Variants in SCYL2 observed in about 807,000 individuals in gnomAD.
SCYL2 encodes SCY1-like protein 2.
Under a neutral mutation model 100.4 loss-of-function variants are expected in SCYL2, and 36 were observed. That is an observed-to-expected ratio of 0.36 (90% confidence interval 0.27 to 0.47). The LOEUF (loss-of-function observed/expected upper bound fraction) is 0.47. SCYL2 is among the 20% of genes least tolerant of loss of function. The probability of loss-of-function intolerance (pLI) is 1.00; values close to 1 mark genes in which losing one functional copy is unlikely to be tolerated. For synonymous variants in SCYL2, 330 were observed against 359.2 expected (o/e 0.92, Z 0.92); for missense variants, 902 against 1,083.9 (o/e 0.83, Z 2.36).
At chr12:100,301,230 C>T (rs911902192) in intron 4 of SCYL2, among the ~76,000 whole-genome samples, 2 of 152,082 alleles carry the variant, frequency 1.3e-5, no homozygotes, top group African/African-American at 2.4e-5. Flanking sequence ...AGTTTTCATT[C>T]GTGTTTCTCT....
intron 4 of SCYL2, among the ~76,000 whole-genome samples, chr12:100,300,886 T>C (rs1420242615): frequency 6.6e-6 from 1 of 152,238 alleles, no homozygotes; most frequent in Non-Finnish European, 1.5e-5. Flanking sequence ...TTTCTGTATC[T>C]GTTCATCTGT....
In SCYL2 at chr12:100,341,111, G is replaced by A. The variant is rs1331832737; in HGVS notation, c.*1939G>A. 3 of 151,968 alleles carry A rather than the reference G, an allele frequency of 2.0e-5. No individual in the cohort carries two copies. In the East Asian group the frequency reaches 5.8e-4, roughly 29 times the overall value. The allele number at this position is 151,968 out of a possible 1,614,324, so 9.4% of individuals were successfully genotyped here. On this transcript the variant is annotated 3_prime_UTR_variant, in exon 18 of 18. Coordinates refer to ENST00000360820, the MANE Select transcript of SCYL2 (RefSeq NM_017988.6). ...AAGTCATTTGAAAAAAATACAGTAT[G>A]TAAAATTTGTTCATTCGTTGAGGTA...
At chr12:100,276,742 TTAAA>T (rs2096292926) in intron 1 of SCYL2, among the ~76,000 whole-genome samples, 4 of 152,126 alleles carry the variant, frequency 2.6e-5, no homozygotes, top group South Asian at 4.1e-4. Flanking sequence ...CATTTCTCTA[TTAAA>T]TAAAGTATTA....
At chr12:100,269,465 A>G (rs1237912386) in intron 1 of SCYL2, among the ~76,000 whole-genome samples, 1 of 152,148 alleles carries the variant, frequency 6.6e-6, no homozygotes, top group Non-Finnish European at 1.5e-5. Flanking sequence ...TAATAAATTA[A>G]TTAGATGTTC....
At chr12:100,333,024 T>G (rs2135938972) in intron 13 of SCYL2, among the ~76,000 whole-genome samples, 1 of 152,144 alleles carries the variant, frequency 6.6e-6, no homozygotes, top group East Asian at 1.9e-4. Context: ...CCGATGTTGT[T>G]TCTTTATCTG....
At position 100,298,354 on chromosome 12, in the gene SCYL2, A is replaced by G. The variant is rs1566354102; in HGVS notation, c.480+179A>G. Among the ~76,000 whole-genome samples the G allele has an allele frequency of 2.0e-5, 3 of 152,178 alleles. No individual in the cohort carries two copies. The South Asian group carries it at 6.2e-4, about 32-fold the overall frequency. ...TGCAGTTTGTTGTTCGGGTTAAATA[A>G]TATTTTAAATATATCAAACTGATAA... On this transcript the variant is annotated intron_variant, in intron 4 of 17. Coordinates refer to ENST00000360820, the MANE Select transcript of SCYL2 (RefSeq NM_017988.6).
chr12:100,291,910 A>G, intron 3 of SCYL2: 1 of 391,958 alleles, frequency 2.6e-6, no homozygotes, highest in Admixed American at 4.9e-5. Context: ...GCTCATGACT[A>G]CAATAGTCAA....
At chr12:100,271,129 G>A (rs2096287152) in intron 1 of SCYL2, among the ~76,000 whole-genome samples, 1 of 151,902 alleles carries the variant, frequency 6.6e-6, no homozygotes, top group East Asian at 1.9e-4. Flanking sequence ...GCATTATCCA[G>A]TTTTTGAAAA....
At chr12:100,275,987 A>C (rs1033580164) in intron 1 of SCYL2, among the ~76,000 whole-genome samples, 1 of 152,160 alleles carries the variant, frequency 6.6e-6, no homozygotes, top group South Asian at 2.1e-4. Context: ...CATTTTTAAA[A>C]GTTGAATTAA....
chr12:100,269,164 A>G (rs1195290740), intron 1 of SCYL2, among the ~76,000 whole-genome samples: 1 of 152,168 alleles, frequency 6.6e-6, no homozygotes, highest in African/African-American at 2.4e-5. Context: ...ACACATTAAC[A>G]TGCCCTACAA....
At chr12:100,277,248 T>C (rs1423965779) in intron 1 of SCYL2, among the ~76,000 whole-genome samples, 1 of 152,234 alleles carries the variant, frequency 6.6e-6, no homozygotes, top group Non-Finnish European at 1.5e-5. Flanking sequence ...ATTTGTCATT[T>C]GTAGAGTGTG....
intron 8 of SCYL2, 90 bp downstream of exon 8, chr12:100,314,704 A>ATT: frequency 7.8e-7 from 1 of 1,279,202 alleles, no homozygotes; most frequent in African/African-American, 1.6e-5. Flanking sequence ...CAAGAAAATA[A>ATT]TATAACTTTG....
intron 13 of SCYL2, among the ~76,000 whole-genome samples, chr12:100,333,229 G>A (rs1263466417): frequency 6.6e-6 from 1 of 152,134 alleles, no homozygotes; most frequent in Non-Finnish European, 1.5e-5. Context: ...AGATGAAGAA[G>A]CTGCTGCTGA....
rs187453294 is a variant in SCYL2, at chr12:100,327,126, T to C, written c.1642+372T>C. ...GAGGCAAAGTATTTTCTCTGCGTTA[T>C]GTTATTTTATTCTTCCCCAAATTCA... On this transcript the variant is annotated intron_variant, in intron 12 of 17. Coordinates refer to ENST00000360820, the MANE Select transcript of SCYL2 (RefSeq NM_017988.6). 6 of 340,622 alleles carry C rather than the reference T, an allele frequency of 1.8e-5. No individual in the cohort carries two copies. In the East Asian group the frequency reaches 2.6e-4, roughly 15 times the overall value. The allele number at this position is 340,622 out of a possible 1,614,324, so 21.1% of individuals were successfully genotyped here.
chr12:100,320,009 G>T (rs932916773), intron 10 of SCYL2, among the ~76,000 whole-genome samples: 7 of 152,144 alleles, frequency 4.6e-5, no homozygotes, highest in Non-Finnish European at 8.8e-5. Flanking sequence ...AAGATGGTTT[G>T]CAAAAGGTAG....
At chr12:100,317,188 T>G (rs1463456322) in intron 9 of SCYL2, among the ~76,000 whole-genome samples, 1 of 152,192 alleles carries the variant, frequency 6.6e-6, no homozygotes, top group Non-Finnish European at 1.5e-5. Flanking sequence ...AGGGGCAGTA[T>G]GTTCCTTATA....
At chr12:100,335,780 T>G in intron 15 of SCYL2, 31 bp from the exon 16 acceptor site, 1 of 1,599,092 alleles carries the variant, frequency 6.3e-7, no homozygotes, top group Non-Finnish European at 8.6e-7. Flanking sequence ...TTATTGAACT[T>G]ATTTAAATTA....
rs1038373829 is a variant in SCYL2 at position 100,267,266 on chromosome 12, C to T, written c.-555C>T. Reference sequence around the variant, plus strand: ...GCTCCGACGTTTGCGGCCGCGGGGGCGGCGGAGGATATGGAGTAAAGCCAG... The same window carrying T: ...GCTCCGACGTTTGCGGCCGCGGGGGTGGCGGAGGATATGGAGTAAAGCCAG... On this transcript the variant is annotated 5_prime_UTR_variant, in exon 1 of 18. Coordinates refer to ENST00000360820, the MANE Select transcript of SCYL2 (RefSeq NM_017988.6). 4.2e-5 allele frequency: 25 copies of T among 601,578 alleles called. No homozygotes were observed. The highest frequency in any genetic ancestry group is 3.2e-4 in the African/African-American group (17 of 52,832). The allele number at this position is 601,578 out of a possible 1,614,324, so 37.3% of individuals were successfully genotyped here. A position where few individuals can be genotyped will look rare whatever the true frequency, so the allele number is the denominator to read the frequency against.
chr12:100,299,272 T>C (rs7309753), intron 4 of SCYL2, among the ~76,000 whole-genome samples: 34,178 of 152,052 alleles, frequency 0.22, 4,331 homozygotes, highest in African/African-American at 0.33. Flanking sequence ...ATATCTTCAG[T>C]GCCATAGAAT....
Sources: allele counts gnomAD v4.1 joint callset (sites outside exome capture counted in the v4.1 genomes callset), GRCh38; gene constraint gnomAD v4.1.1; transcripts MANE v1.5; gene names NCBI Gene and HGNC (gene_info 2026-07-23, HGNC 2026-07-21).